The following MLLT10 variants were observed in gnomAD, a reference collection of about 807,000 sequenced individuals.
The protein encoded by MLLT10 is MLLT10 histone lysine methyltransferase DOT1L cofactor.
In MLLT10, 30 loss-of-function variants were observed where a neutral mutation model predicts 129.1. The ratio of observed to expected loss-of-function variants is 0.23; its 90% CI spans 0.17 to 0.32. The LOEUF is 0.32. MLLT10 is among the 10% of genes least tolerant of loss of function. The probability of loss-of-function intolerance (pLI) is 1.00; values close to 1 mark genes in which losing one functional copy is unlikely to be tolerated. For missense variants in MLLT10, 1,119 were observed against 1,268.3 expected (o/e 0.88, Z 1.79); for synonymous variants, 490 against 446.4 (o/e 1.10, Z -1.23).
Position 21,549,323 on chromosome 10 carries a change from C to G in MLLT10, c.240+10411C>G, listed in dbSNP as rs1445851600. On this transcript the variant is annotated intron_variant, in intron 3 of 22. Transcript: ENST00000307729. ...TATTTTTAGTAGAGATGGGGTTTCA[C>G]TGTGTTTCGATCTCCTGACCTCGTC... is the stretch of plus-strand genomic sequence containing the variant. Among the ~76,000 whole-genome samples the G allele has an allele frequency of 8.5e-5, 13 of 152,162 alleles. No individual in the cohort carries two copies. In the East Asian group the frequency reaches 2.5e-3, roughly 30 times the overall value.
At chr10:21,708,445 G>T (rs1802906820) in intron 13 of MLLT10, 2 of 410,936 alleles carry the variant, frequency 4.9e-6, no homozygotes, top group Non-Finnish European at 6.5e-6. Context: ...TGTTGTACCA[G>T]TCCTACCTGA....
At chr10:21,645,007 C>T (rs1209162908) in intron 8 of MLLT10, among the ~76,000 whole-genome samples, 4 of 152,138 alleles carry the variant, frequency 2.6e-5, no homozygotes, top group African/African-American at 4.8e-5. Flanking sequence ...TTCTTCCTCT[C>T]GCCTTCAGTT....
At chr10:21,536,302 G>C (rs2033988813) in intron 2 of MLLT10, among the ~76,000 whole-genome samples, 1 of 152,212 alleles carries the variant, frequency 6.6e-6, no homozygotes, top group South Asian at 2.1e-4. Flanking sequence ...AATACAATGC[G>C]TGTCAAACCA....
intron 17 of MLLT10, among the ~76,000 whole-genome samples, chr10:21,732,019 C>G (rs796298017): frequency 1.3e-5 from 2 of 152,218 alleles, no homozygotes; most frequent in South Asian, 4.2e-4. Context: ...ATAGGTTTAG[C>G]TGAGTCTTAT....
At chr10:21,556,762 T>G (rs2038064408) in intron 3 of MLLT10, 1 of 1,606,658 alleles carries the variant, frequency 6.2e-7, no homozygotes, top group African/African-American at 1.3e-5. Context: ...TTCCTCCAGT[T>G]TCTGGTGCTC....
chr10:21,631,045 T>C (rs1405962717), intron 8 of MLLT10, among the ~76,000 whole-genome samples: 1 of 151,912 alleles, frequency 6.6e-6, no homozygotes, highest in East Asian at 1.9e-4. Context: ...GCGCGGTGGC[T>C]CAAGCCTGTA....
intron 9 of MLLT10, among the ~76,000 whole-genome samples, chr10:21,662,842 A>G (rs979674801): frequency 6.6e-6 from 1 of 152,148 alleles, no homozygotes; most frequent in African/African-American, 2.4e-5. Flanking sequence ...GAGATCTTAT[A>G]TTTCTATAAT....
chr10:21,581,080 C>CTGT (rs2041393219), intron 3 of MLLT10, among the ~76,000 whole-genome samples: 1 of 141,660 alleles, frequency 7.1e-6, no homozygotes, highest in Non-Finnish European at 1.5e-5. Context: ...GAGTCTTGCT[C>CTGT]TGTAGCCCAG....
intron 8 of MLLT10, among the ~76,000 whole-genome samples, chr10:21,631,332 A>G (rs1161519448): frequency 6.6e-6 from 1 of 151,208 alleles, no homozygotes; most frequent in Non-Finnish European, 1.5e-5. Context: ...AAAAAAAAAA[A>G]AAAGAAAAGT....
At chr10:21,578,688 TTAAG>T (rs1054937422) in intron 3 of MLLT10, among the ~76,000 whole-genome samples, 6 of 152,220 alleles carry the variant, frequency 3.9e-5, no homozygotes, top group Non-Finnish European at 8.8e-5. Flanking sequence ...CTCTAGCAAT[TTAAG>T]TATATTTCTT....
At chr10:21,584,119 C>G (rs1184663299) in intron 3 of MLLT10, among the ~76,000 whole-genome samples, 1 of 150,584 alleles carries the variant, frequency 6.6e-6, no homozygotes, top group Non-Finnish European at 1.5e-5. Context: ...CCACCCGCCT[C>G]AGCCTCCCAA....
intron 3 of MLLT10, among the ~76,000 whole-genome samples, chr10:21,571,501 G>A (rs1392481452): frequency 8.5e-5 from 13 of 152,186 alleles, no homozygotes; most frequent in African/African-American, 3.1e-4. Flanking sequence ...GCACACGTGC[G>A]GCCCATTTGT....
intron 13 of MLLT10, among the ~76,000 whole-genome samples, chr10:21,704,027 T>TG (rs1564680639): frequency 1.5e-5 from 2 of 137,514 alleles, no homozygotes; most frequent in African/African-American, 5.4e-5. Context: ...TTTTTTTTTT[T>TG]TTTTTTTTTT....
intron 3 of MLLT10, among the ~76,000 whole-genome samples, chr10:21,562,802 A>C: frequency 8.1e-6 from 1 of 122,926 alleles, no homozygotes; most frequent in Non-Finnish European, 1.7e-5. Flanking sequence ...TGACTTACAT[A>C]TACTTTGTTT....
chr10:21,741,692 CT>C (rs1398075465), intron 22 of MLLT10, among the ~76,000 whole-genome samples: 1 of 152,200 alleles, frequency 6.6e-6, no homozygotes, highest in Non-Finnish European at 1.5e-5. Flanking sequence ...TGCATTCATT[CT>C]TTACAAGTTC....
chr10:21,734,980 T>C (rs574266860), intron 20 of MLLT10, among the ~76,000 whole-genome samples, 159 bp from the exon 21 acceptor site: 2 of 152,112 alleles, frequency 1.3e-5, no homozygotes, highest in East Asian at 3.9e-4. Context: ...TAAACATACA[T>C]ATATATAGAA....
intron 3 of MLLT10, among the ~76,000 whole-genome samples, chr10:21,570,212 T>TTGTGTGTGTGTG (rs528760884): frequency 1.4e-5 from 2 of 147,940 alleles, no homozygotes; most frequent in Admixed American, 6.8e-5. Flanking sequence ...CCAGGCCAAT[T>TTGTGTGTGTGTG]TGTGTGTGTG....
chr10:21,560,860 T>C lies in MLLT10; in HGVS notation c.240+21948T>C, dbSNP rs142061211. Among the ~76,000 whole-genome samples, 8 of 152,372 alleles carry C rather than the reference T, an allele frequency of 5.3e-5. No homozygotes were observed. In the East Asian group the frequency reaches 1.5e-3, roughly 29 times the overall value. On this transcript the variant is annotated intron_variant, in intron 3 of 22. Coordinates refer to ENST00000307729, the MANE Select transcript of MLLT10 (RefSeq NM_001195626.3). ...TACAAGCATCTTTTCATCTGCTTCTTGGCCATTTGTGTGTATTCTTTGGAG... is the reference window on the plus strand; with the variant it reads ...TACAAGCATCTTTTCATCTGCTTCTCGGCCATTTGTGTGTATTCTTTGGAG...
chr10:21,646,871 T>TC (rs561986978), intron 8 of MLLT10, among the ~76,000 whole-genome samples: 6 of 151,444 alleles, frequency 4.0e-5, no homozygotes, highest in African/African-American at 9.7e-5. Context: ...TTTTTTTTTT[T>TC]CTGAGACGGA....
Sources: allele counts gnomAD v4.1 joint callset (sites outside exome capture counted in the v4.1 genomes callset), GRCh38; gene constraint gnomAD v4.1.1; transcripts MANE v1.5; gene names NCBI Gene and HGNC (gene_info 2026-07-23, HGNC 2026-07-21).